ITGA1: variants seen among roughly 807,000 people sequenced by gnomAD.
ITGA1 encodes integrin subunit alpha 1, also known as integrin alpha-1.
A neutral mutation model predicts 145.9 loss-of-function variants in ITGA1; 85 were observed. That is an observed-to-expected ratio of 0.58 (90% CI 0.49 to 0.70). The LOEUF (loss-of-function observed/expected upper bound fraction) is 0.70, where lower values mean the gene tolerates loss of function less well. Among genes scored for constraint, ITGA1 ranks in the 30% least tolerant of loss-of-function variants. The pLI, the probability that ITGA1 is intolerant of heterozygous loss-of-function variation, is 0.00. For missense variants in ITGA1, 1,351 were observed against 1,418.7 expected (o/e 0.95, Z 0.77); for synonymous variants, 520 against 495.3 (o/e 1.05, Z -0.66).
At chr5:52,808,728 T>A in intron 1 of ITGA1, among the ~76,000 whole-genome samples, 1 of 129,758 alleles carries the variant, frequency 7.7e-6, no homozygotes, top group Non-Finnish European at 1.6e-5. Flanking sequence ...AAGCTTAAAA[T>A]ACATTTCAGT....
chr5:52,910,020 GCA>G (rs1750478456), intron 13 of ITGA1, 140 bp from the exon 14 acceptor site: 9 of 738,020 alleles, frequency 1.2e-5, no homozygotes, highest in Non-Finnish European at 1.8e-5. Context: ...TCTCAGATAG[GCA>G]CACTTTTTAA....
intron 2 of ITGA1, among the ~76,000 whole-genome samples, chr5:52,850,335 A>C (rs1487801054): frequency 6.6e-6 from 1 of 152,174 alleles, no homozygotes; most frequent in Non-Finnish European, 1.5e-5. Flanking sequence ...TAACTTGTTG[A>C]AAATTATATA....
chr5:52,797,787 A>G (rs1169742350), intron 1 of ITGA1, among the ~76,000 whole-genome samples: 1 of 152,226 alleles, frequency 6.6e-6, no homozygotes, highest in Non-Finnish European at 1.5e-5. Context: ...ATTTTCTTCT[A>G]TAAAATTAGG....
rs775687989 is a variant in ITGA1 at position 52,910,247 on chromosome 5, A to T, written c.1685A>T (p.Asn562Ile). Residue 562 changes from asparagine to isoleucine, a missense_variant, in exon 14 of 29, where the codon AAC (asparagine) becomes ATC (isoleucine). By Grantham distance (149) the Asn-to-Ile change is moderately radical (BLOSUM62 -3). Transcript: ENST00000282588. The stretch of plus-strand genomic sequence containing the variant: ...CAGCACAATTCATGCACAACAGAAA[A>T]CAAAAATGAGCCATGCGGGGCTCGT... ...SRQHNSCTTE[N>I]KNEPCGARFG... 6.2e-7 allele frequency: 1 copy of T among 1,613,970 alleles called. No homozygotes were observed. Among genetic ancestry groups the T allele is most frequent in the East Asian group, 2.2e-5 (1 of 44,870 alleles).
Position 52,788,288 on chromosome 5 carries a change from C to T in ITGA1, c.-66C>T. 1.6e-6 allele frequency: 2 copies of T among 1,283,140 alleles called. No individual in the cohort carries two copies. Among genetic ancestry groups the T allele is most frequent in the Non-Finnish European group, 2.0e-6 (2 of 978,590 alleles). The allele number at this position is 1,283,140 out of a possible 1,614,324, so 79.5% of individuals were successfully genotyped here. ...GGATAAGTGGCCCAGCCAGAGAGCG[C>T]AGCTCCCGCGCCCGGTCCTGCCCTG... On this transcript the variant is annotated 5_prime_UTR_variant, in exon 1 of 29. Coordinates refer to ENST00000282588, the MANE Select transcript of ITGA1 (RefSeq NM_181501.2).
chr5:52,897,319 G>A, intron 9 of ITGA1, 136 bp from the exon 10 acceptor site: 2 of 625,908 alleles, frequency 3.2e-6, no homozygotes, highest in South Asian at 2.0e-5. Context: ...AGAAATGTAT[G>A]GCTGAAAATG....
chr5:52,859,040 A>G (rs1361794109), intron 2 of ITGA1, among the ~76,000 whole-genome samples: 1 of 152,182 alleles, frequency 6.6e-6, no homozygotes, highest in Non-Finnish European at 1.5e-5. Context: ...CATGGAGAAG[A>G]TTAAATTATT....
intron 1 of ITGA1, among the ~76,000 whole-genome samples, chr5:52,845,502 G>A (rs1749318654): frequency 6.6e-6 from 1 of 152,192 alleles, no homozygotes; most frequent in Non-Finnish European, 1.5e-5. Context: ...AGGTGATACA[G>A]ATGCTGCTGG....
chr5:52,788,308 G>T lies in ITGA1; in HGVS notation c.-46G>T. 2 of 1,459,620 alleles carry T rather than the reference G, an allele frequency of 1.4e-6. No individual in the cohort carries two copies. The highest frequency in any genetic ancestry group is 1.8e-6 in the Non-Finnish European group (2 of 1,104,626). The allele number at this position is 1,459,620 out of a possible 1,614,324, so 90.4% of individuals were successfully genotyped here. ...GAGCGCAGCTCCCGCGCCCGGTCCT[G>T]CCCTGCGAACCAGCGCGGCCCCCTG... is the stretch of plus-strand genomic sequence containing the variant. On this transcript the variant is annotated 5_prime_UTR_variant, in exon 1 of 29. Transcript: ENST00000282588.
intron 1 of ITGA1, among the ~76,000 whole-genome samples, chr5:52,832,777 G>GTGTGTGTC (rs1554042239): frequency 9.1e-5 from 10 of 109,686 alleles, no homozygotes; most frequent in African/African-American, 3.5e-4. Context: ...GTGTGTGTGT[G>GTGTGTGTC]TGTGTGTGTG....
At chr5:52,912,711 AGTGTGTGTGT>A (rs67318879) in intron 14 of ITGA1, among the ~76,000 whole-genome samples, 70 of 132,370 alleles carry the variant, frequency 5.3e-4, no homozygotes, top group African/African-American at 1.8e-3. Flanking sequence ...CTATATATAT[AGTGTGTGTGT>A]GTGTGTGTGT....
intron 1 of ITGA1, among the ~76,000 whole-genome samples, chr5:52,839,281 A>G (rs933958197): frequency 1.3e-5 from 2 of 152,208 alleles, no homozygotes; most frequent in African/African-American, 4.8e-5. Flanking sequence ...CTAAATTTCA[A>G]TAATCTAAAT....
intron 28 of ITGA1, among the ~76,000 whole-genome samples, chr5:52,951,702 C>T (rs972063404): frequency 6.6e-6 from 1 of 152,108 alleles, no homozygotes; most frequent in Admixed American, 6.5e-5. Context: ...CTAATGACCT[C>T]AACTTATGGT....
intron 23 of ITGA1, among the ~76,000 whole-genome samples, chr5:52,936,403 A>C (rs1579729018): frequency 6.6e-6 from 1 of 152,210 alleles, no homozygotes; most frequent in Non-Finnish European, 1.5e-5. Context: ...TCCAGAATTA[A>C]AGGATGTATT....
At position 52,950,732 on chromosome 5, in the gene ITGA1, A is replaced by G. The variant is rs538810787; in HGVS notation, c.3496-1675A>G. On this transcript the variant is annotated intron_variant, in intron 28 of 28. Coordinates refer to ENST00000282588, the MANE Select transcript of ITGA1 (RefSeq NM_181501.2). ...ATAACAGAAGTTATTTTAAAATAGA[A>G]CATTTAATGTGTAGAAGCCAAGGAG... Among the ~76,000 whole-genome samples, 26 of 152,354 alleles carry G rather than the reference A, an allele frequency of 1.7e-4. No homozygotes were observed. The Middle Eastern group carries it at 0.01, about 60-fold the overall frequency.
rs1749388957 is a variant in ITGA1 at position 52,849,303 on chromosome 5, A to G, written c.62-62A>G. 6 of 1,437,956 alleles carry G rather than the reference A, an allele frequency of 4.2e-6. No individual in the cohort carries two copies. In the South Asian group the frequency reaches 7.2e-5, roughly 17 times the overall value. 89.1% of individuals were successfully genotyped at this position (1,437,956 alleles called of 1,614,324 possible). ...GGTAACCTTAACCATGCCTTCCATA[A>G]CTCAAAACATGATGGACTCTTAGTT... On this transcript the variant is annotated intron_variant, in intron 1 of 28. Coordinates refer to ENST00000282588, the MANE Select transcript of ITGA1 (RefSeq NM_181501.2).
chr5:52,829,544 G>A (rs2454586), intron 1 of ITGA1, among the ~76,000 whole-genome samples: 114,015 of 151,966 alleles, frequency 0.75, 43,130 homozygotes, highest in African/African-American at 0.82. Flanking sequence ...TGATCTCACT[G>A]TTTAAAAAGC....
At chr5:52,852,470 T>A (rs1051132358) in intron 2 of ITGA1, among the ~76,000 whole-genome samples, 3 of 152,048 alleles carry the variant, frequency 2.0e-5, no homozygotes, top group Non-Finnish European at 4.4e-5. Context: ...TCAAGATGAA[T>A]CAGTAAATCT....
intron 8 of ITGA1, among the ~76,000 whole-genome samples, chr5:52,889,135 C>G (rs1240687935): frequency 6.6e-6 from 1 of 151,750 alleles, no homozygotes; most frequent in Non-Finnish European, 1.5e-5. Flanking sequence ...GAGTCTCGCT[C>G]TGTCACCCAG....
Sources: gnomAD v4.1 joint callset for allele counts (sites outside exome capture counted in the v4.1 genomes callset) on GRCh38, gnomAD v4.1.1 for gene constraint, MANE v1.5 for transcripts, NCBI Gene and HGNC (gene_info 2026-07-23, HGNC 2026-07-21) for gene names.